RNF115: variants seen among roughly 807,000 people sequenced by gnomAD.
The protein encoded by RNF115 is E3 ubiquitin-protein ligase RNF115.
A neutral mutation model predicts 39.2 loss-of-function variants in RNF115; 31 were observed. The observed-to-expected ratio is 0.79, with a 90% CI of 0.59 to 1.07. The LOEUF (loss-of-function observed/expected upper bound fraction) is 1.07. Among genes scored for constraint, RNF115 ranks in the 50% least tolerant of loss-of-function variants. The pLI is 0.00. For synonymous variants in RNF115, 124 were observed against 131.0 expected (o/e 0.95, Z 0.37); for missense variants, 384 against 381.7 (o/e 1.01, Z -0.05).
rs1343308056 is a variant in RNF115, at chr1:145,823,893, C to A, written c.-20G>T. ...CGCCATTTTTGCCCTCCGCCGCGGCCGTCCGAGAGGGCAGCCGGCCCGTCC... is the reference window on the plus strand; with the variant it reads ...CGCCATTTTTGCCCTCCGCCGCGGCAGTCCGAGAGGGCAGCCGGCCCGTCC... On this transcript the variant is annotated 5_prime_UTR_variant, in exon 1 of 9. Transcript: ENST00000582693. The A allele has an allele frequency of 2.0e-6, 3 of 1,501,382 alleles. No individual in the cohort carries two copies. Among genetic ancestry groups the A allele is most frequent in the African/African-American group, 1.4e-5 (1 of 69,062 alleles). 93.0% of individuals were successfully genotyped at this position (1,501,382 alleles called of 1,614,324 possible).
At chr1:145,782,623 A>G (rs1320899814) in intron 3 of RNF115, among the ~76,000 whole-genome samples, 1 of 152,226 alleles carries the variant, frequency 6.6e-6, no homozygotes, top group African/African-American at 2.4e-5. Context: ...CTGACTACAT[A>G]TATTTGTTTT....
chr1:145,777,086 C>T (rs1266766705), intron 3 of RNF115, among the ~76,000 whole-genome samples: 1 of 152,120 alleles, frequency 6.6e-6, no homozygotes, highest in African/African-American at 2.4e-5. Context: ...TGAAAAAGTA[C>T]GAGCAGACTC....
intron 1 of RNF115, among the ~76,000 whole-genome samples, chr1:145,789,889 G>A (rs374660200): frequency 6.6e-6 from 1 of 151,338 alleles, no homozygotes; most frequent in Non-Finnish European, 1.5e-5. Flanking sequence ...GTAGAGACAG[G>A]GTTTCACCAT....
At chr1:145,814,404 A>G (rs757378008) in intron 1 of RNF115, among the ~76,000 whole-genome samples, 2 of 152,098 alleles carry the variant, frequency 1.3e-5, no homozygotes, top group Non-Finnish European at 2.9e-5. Flanking sequence ...CAACATGGTG[A>G]AACCCTCGTC....
intron 3 of RNF115, among the ~76,000 whole-genome samples, chr1:145,783,733 C>A (rs1648250377): frequency 6.6e-6 from 1 of 151,824 alleles, no homozygotes; most frequent in African/African-American, 2.4e-5. Context: ...TATAGGCTGA[C>A]TGGTACCTTC....
chr1:145,750,198 G>A (rs587673159), intron 7 of RNF115, among the ~76,000 whole-genome samples: 1 of 152,236 alleles, frequency 6.6e-6, no homozygotes, highest in South Asian at 2.1e-4. Context: ...TAAAGGGGTA[G>A]GAACTTTCCA....
chr1:145,770,930 G>T (rs1647610009), intron 4 of RNF115, among the ~76,000 whole-genome samples: 1 of 152,100 alleles, frequency 6.6e-6, no homozygotes, highest in African/African-American at 2.4e-5. Flanking sequence ...ACAGTCACAA[G>T]ACTTCATATT....
intron 1 of RNF115, among the ~76,000 whole-genome samples, chr1:145,811,383 GA>G (rs1270018652): frequency 7.1e-6 from 1 of 140,882 alleles, no homozygotes; most frequent in Non-Finnish European, 1.5e-5. Context: ...AAAGAAAAAA[GA>G]AGAAGAAGAA....
rs1429001490 is a variant in RNF115, at chr1:145,740,891, G to A, written c.*5975C>T. ...GGGTCTCTCTCTGTTGCCCTGGAGTGCAGTGGCACAATCTTGGCTCACTAC... is the reference window on the plus strand; with the variant it reads ...GGGTCTCTCTCTGTTGCCCTGGAGTACAGTGGCACAATCTTGGCTCACTAC... On this transcript the variant is annotated 3_prime_UTR_variant, in exon 9 of 9. Transcript: ENST00000582693. The A allele has an allele frequency of 6.6e-6, 1 of 152,246 alleles. No individual in the cohort carries two copies. Among genetic ancestry groups the A allele is most frequent in the Non-Finnish European group, 1.5e-5 (1 of 68,056 alleles). The allele number at this position is 152,246 out of a possible 1,614,324, so 9.4% of individuals were successfully genotyped here.
intron 4 of RNF115, among the ~76,000 whole-genome samples, chr1:145,770,898 C>T (rs1371021291): frequency 6.6e-6 from 1 of 152,174 alleles, no homozygotes; most frequent in Non-Finnish European, 1.5e-5. Flanking sequence ...ACTCAACAAA[C>T]ATTTATTACA....
At chr1:145,794,187 C>A (rs1012308062) in intron 1 of RNF115, among the ~76,000 whole-genome samples, 3 of 152,136 alleles carry the variant, frequency 2.0e-5, no homozygotes, top group African/African-American at 7.2e-5. Flanking sequence ...CTCTTTTAGT[C>A]CTTTCCAATC....
At position 145,739,579 on chromosome 1, in the gene RNF115, ATTT is replaced by A. The variant is rs35347418; in HGVS notation, c.*7284_*7286del. 8.7e-5 allele frequency: 12 copies of A among 137,466 alleles called. No homozygotes were observed. The highest frequency in any genetic ancestry group is 2.3e-4 in the South Asian group (1 of 4,308). The allele number at this position is 137,466 out of a possible 1,614,324, so 8.5% of individuals were successfully genotyped here. A position where few individuals can be genotyped will look rare whatever the true frequency, so the allele number is the denominator to read the frequency against. On this transcript the variant is annotated 3_prime_UTR_variant, in exon 9 of 9. Transcript: ENST00000582693. ...CAGCTATTTGTCATTGGGCAAATGAATTTTTTTTTTTTTTTTTTGAGACGGAGT... is the reference window on the plus strand; with the variant it reads ...CAGCTATTTGTCATTGGGCAAATGAATTTTTTTTTTTTTTTGAGACGGAGT...
At chr1:145,813,612 A>T (rs1472466951) in intron 1 of RNF115, among the ~76,000 whole-genome samples, 2 of 152,202 alleles carry the variant, frequency 1.3e-5, no homozygotes, top group African/African-American at 4.8e-5. Context: ...ACTCCAATAG[A>T]TACTGCTATA....
At chr1:145,809,209 C>A (rs1649590123) in intron 1 of RNF115, among the ~76,000 whole-genome samples, 1 of 138,278 alleles carries the variant, frequency 7.2e-6, no homozygotes, top group African/African-American at 2.7e-5. Flanking sequence ...TTTTTTGAGA[C>A]AGAGTCTCAC....
intron 3 of RNF115, among the ~76,000 whole-genome samples, chr1:145,775,514 A>T (rs587663103): frequency 6.6e-6 from 1 of 151,252 alleles, no homozygotes; most frequent in East Asian, 1.9e-4. Context: ...TCCCACCTCA[A>T]TCTCCCAAGT....
Position 145,802,103 on chromosome 1 carries a change from T to G in RNF115, c.103-13137A>C, listed in dbSNP as rs587687644. 1.1e-3 allele frequency among the ~76,000 whole-genome samples: 161 copies of G among 152,248 alleles called. 1 individual carries two copies. Among genetic ancestry groups the G allele is most frequent in the African/African-American group, 3.8e-3 (156 of 41,544 alleles). On this transcript the variant is annotated intron_variant, in intron 1 of 8. Transcript: ENST00000582693. ...ACGCCCAGCCGAGTCATTTCTATCA[T>G]CCCATCTGTAAAAGAAAAGCATAAC...
At chr1:145,766,624 C>A (rs1571726714) in intron 4 of RNF115, among the ~76,000 whole-genome samples, 21 of 146,588 alleles carry the variant, frequency 1.4e-4, no homozygotes, top group Non-Finnish European at 2.1e-4. Flanking sequence ...GGGCGGGGGG[C>A]TGACCCCCCC....
chr1:145,767,313 A>C (rs1647373164), intron 4 of RNF115, among the ~76,000 whole-genome samples: 1 of 146,980 alleles, frequency 6.8e-6, no homozygotes, highest in African/African-American at 2.6e-5. Flanking sequence ...GTTGCCAGGC[A>C]GAGGGTCTCC....
chr1:145,793,626 T>TGA (rs1648786223), intron 1 of RNF115, among the ~76,000 whole-genome samples: 1 of 149,962 alleles, frequency 6.7e-6, no homozygotes, highest in African/African-American at 2.5e-5. Flanking sequence ...ATGCTTTTTC[T>TGA]CACACACACA....
Sources: gnomAD v4.1 joint callset for allele counts (sites outside exome capture counted in the v4.1 genomes callset) on GRCh38, gnomAD v4.1.1 for gene constraint, MANE v1.5 for transcripts, NCBI Gene and HGNC (gene_info 2026-07-23, HGNC 2026-07-21) for gene names.